The following MAPKAP1 variants were observed in gnomAD, a reference collection of about 807,000 sequenced individuals.
MAPKAP1 encodes the protein MAPK associated protein 1.
In MAPKAP1, 20 loss-of-function variants were observed where a neutral mutation model predicts 65.7. That is an observed-to-expected ratio of 0.30 (90% CI 0.21 to 0.44). The LOEUF is 0.44. MAPKAP1 is among the 20% of genes least tolerant of loss of function. The pLI is 1.00. For synonymous variants in MAPKAP1, 222 were observed against 244.3 expected (o/e 0.91, Z 0.85); for missense variants, 423 against 648.0 (o/e 0.65, Z 3.77).
At chr9:125,558,905 G>C (rs961814695) in intron 6 of MAPKAP1, among the ~76,000 whole-genome samples, 11 of 152,226 alleles carry the variant, frequency 7.2e-5, no homozygotes, top group African/African-American at 2.7e-4. Flanking sequence ...ACTCTGTCAT[G>C]AACAGAAGTC....
chr9:125,612,594 G>A (rs1044326065), intron 4 of MAPKAP1, among the ~76,000 whole-genome samples: 3 of 152,136 alleles, frequency 2.0e-5, no homozygotes, highest in African/African-American at 7.2e-5. Context: ...CAGTGTTTTT[G>A]AACAGGCCAG....
chr9:125,448,278 C>A (rs1406735822), intron 10 of MAPKAP1, among the ~76,000 whole-genome samples: 3 of 152,146 alleles, frequency 2.0e-5, no homozygotes, highest in Non-Finnish European at 4.4e-5. Flanking sequence ...AGCTAATAAT[C>A]AGAATTCACA....
chr9:125,693,741 G>GTA (rs755275899), intron 1 of MAPKAP1, among the ~76,000 whole-genome samples: 15 of 113,180 alleles, frequency 1.3e-4, no homozygotes, highest in Non-Finnish European at 2.1e-4. Flanking sequence ...ATATATACAC[G>GTA]TATATATACA....
rs1443483881 is a variant in MAPKAP1, at chr9:125,488,758, C to A, written c.1067-4175G>T. ...CTGCCCATGCTAGCAGTATGCTAGACGGTGGGGGACACTGGTGAGGATAAA... is the reference window on the plus strand; with the variant it reads ...CTGCCCATGCTAGCAGTATGCTAGAAGGTGGGGGACACTGGTGAGGATAAA... On this transcript the variant is annotated intron_variant, in intron 8 of 11. Coordinates refer to ENST00000265960, the MANE Select transcript of MAPKAP1 (RefSeq NM_001006617.3). Among the ~76,000 whole-genome samples the A allele has an allele frequency of 1.3e-5, 2 of 152,260 alleles. 1 individual carries two copies. The highest frequency in any genetic ancestry group is 4.1e-4 in the South Asian group (2 of 4,830).
chr9:125,439,080 G>C lies in MAPKAP1; in HGVS notation c.1444-68C>G, dbSNP rs1005810620. The C allele has an allele frequency of 3.2e-6, 5 of 1,583,866 alleles. No homozygotes were observed. The highest frequency in any genetic ancestry group is 4.3e-6 in the Non-Finnish European group (5 of 1,163,428). On this transcript the variant is annotated intron_variant, in intron 11 of 11. Transcript: ENST00000265960. The surrounding 1 kb of genome is among the most constrained non-coding windows in gnomAD (Gnocchi z 4.0). ...CCCTACCCACCCAGGGCATCGGAGGGGGTGGCAGGGAAGGCCCTGACCTGG... is the reference window on the plus strand; with the variant it reads ...CCCTACCCACCCAGGGCATCGGAGGCGGTGGCAGGGAAGGCCCTGACCTGG...
chr9:125,467,743 T>C (rs1853732782), intron 10 of MAPKAP1, among the ~76,000 whole-genome samples: 1 of 152,222 alleles, frequency 6.6e-6, no homozygotes, highest in South Asian at 2.1e-4. Flanking sequence ...GGTCAGGAGG[T>C]GGGCTGCGAA....
chr9:125,592,344 A>C (rs927238179), intron 4 of MAPKAP1, among the ~76,000 whole-genome samples: 12 of 152,234 alleles, frequency 7.9e-5, no homozygotes, highest in African/African-American at 2.7e-4. Context: ...CTACTATACC[A>C]ATACACCAAA....
At chr9:125,586,175 C>T (rs1167731169) in intron 4 of MAPKAP1, among the ~76,000 whole-genome samples, 1 of 152,184 alleles carries the variant, frequency 6.6e-6, no homozygotes, top group Non-Finnish European at 1.5e-5. Context: ...GAAACAGGTG[C>T]TTGCCTTCTC....
At chr9:125,574,992 A>G (rs999806953) in intron 5 of MAPKAP1, among the ~76,000 whole-genome samples, 3 of 152,224 alleles carry the variant, frequency 2.0e-5, no homozygotes, top group Non-Finnish European at 4.4e-5. Context: ...CCACTATGTT[A>G]TATTCTGATT....
chr9:125,675,964 G>T (rs1279901438), intron 1 of MAPKAP1, among the ~76,000 whole-genome samples: 1 of 151,990 alleles, frequency 6.6e-6, no homozygotes, highest in Non-Finnish European at 1.5e-5. Context: ...AAACCCAAAA[G>T]AATATTTTAA....
chr9:125,492,176 GGGCGAGACCTGGCGA>G (rs1196323600), intron 8 of MAPKAP1, among the ~76,000 whole-genome samples: 1 of 152,122 alleles, frequency 6.6e-6, no homozygotes, highest in Non-Finnish European at 1.5e-5. Context: ...ACTCCATCCT[GGGCGAGACCTGGCGA>G]CAGGGCAATA....
intron 4 of MAPKAP1, among the ~76,000 whole-genome samples, chr9:125,654,219 C>G (rs1436003372): frequency 6.6e-6 from 1 of 152,170 alleles, no homozygotes; most frequent in Non-Finnish European, 1.5e-5. Context: ...GTTCCCACAT[C>G]CAGTGAAATC....
chr9:125,521,720 C>G, intron 7 of MAPKAP1: 1 of 1,612,070 alleles, frequency 6.2e-7, no homozygotes, highest in African/African-American at 1.3e-5. Context: ...TTTTCCTTAA[C>G]ACAGCCTTGA....
chr9:125,677,878 CACAGTAG>C (rs1834697673), intron 1 of MAPKAP1, among the ~76,000 whole-genome samples: 1 of 152,084 alleles, frequency 6.6e-6, no homozygotes, highest in South Asian at 2.1e-4. Flanking sequence ...GATATCCATG[CACAGTAG>C]AAGGAAAGAA....
chr9:125,671,110 G>A (rs967030601), intron 2 of MAPKAP1, among the ~76,000 whole-genome samples: 5 of 152,158 alleles, frequency 3.3e-5, no homozygotes, highest in Admixed American at 6.5e-5. Flanking sequence ...TTCTCCCACT[G>A]AAATACATTC....
chr9:125,621,057 AG>A (rs1384574843), intron 4 of MAPKAP1, among the ~76,000 whole-genome samples: 2 of 152,168 alleles, frequency 1.3e-5, no homozygotes, highest in Admixed American at 6.5e-5. Context: ...AGACTGGTTG[AG>A]CGCAGGAGTT....
rs560964348 is a variant in MAPKAP1 at position 125,524,128 on chromosome 9, TACA to T, written c.959-17714_959-17712del. 9.8e-5 allele frequency among the ~76,000 whole-genome samples: 15 copies of T among 152,346 alleles called. No homozygotes were observed. In the South Asian group the frequency reaches 3.1e-3, roughly 32 times the overall value. On this transcript the variant is annotated intron_variant, in intron 7 of 11. Transcript: ENST00000265960. Reference sequence around the variant, plus strand: ...GAGCATAGATTTAGGTTGCCCTAAATACACTCCCAGCACTTTAATTACCACTAC... The same window carrying T: ...GAGCATAGATTTAGGTTGCCCTAAATCTCCCAGCACTTTAATTACCACTAC...
intron 6 of MAPKAP1, 42 bp from the exon 7 acceptor site, chr9:125,543,210 C>T (rs768045465): frequency 7.3e-7 from 1 of 1,368,454 alleles, no homozygotes; most frequent in Non-Finnish European, 1.0e-6. Flanking sequence ...CAACATTCAT[C>T]CAGAGAGATG....
chr9:125,647,643 A>T (rs1354934640), intron 4 of MAPKAP1, among the ~76,000 whole-genome samples: 1 of 152,210 alleles, frequency 6.6e-6, no homozygotes, highest in African/African-American at 2.4e-5. Flanking sequence ...TCATTCATGT[A>T]AAGTATAGTT....
Sources: allele counts gnomAD v4.1 joint callset (sites outside exome capture counted in the v4.1 genomes callset), GRCh38; gene constraint gnomAD v4.1.1; non-coding constraint Gnocchi (gnomAD v3.1); transcripts MANE v1.5; gene names NCBI Gene and HGNC (gene_info 2026-07-23, HGNC 2026-07-21).